TRAK1: variants seen among roughly 807,000 people sequenced by gnomAD.
The protein encoded by TRAK1 is trafficking kinesin-binding protein 1.
Under a neutral mutation model 92.1 loss-of-function variants are expected in TRAK1, and 33 were observed. The observed-to-expected ratio is 0.36, with a 90% CI of 0.27 to 0.48. The LOEUF (loss-of-function observed/expected upper bound fraction) is 0.48, where lower values mean the gene tolerates loss of function less well. Ranked by LOEUF, TRAK1 falls within the 20% of genes least tolerant of loss-of-function variation. TRAK1 has a pLI of 0.99. For synonymous variants in TRAK1, 521 were observed against 517.3 expected, an observed-to-expected ratio of 1.01 and a Z score of -0.10; for missense variants, 1,123 against 1,257.9, an observed-to-expected ratio of 0.89 and a Z score of 1.62.
At chr3:42,201,779 G>A (rs535501741) in intron 12 of TRAK1, among the ~76,000 whole-genome samples, 1 of 152,002 alleles carries the variant, frequency 6.6e-6, no homozygotes, top group African/African-American at 2.4e-5. Flanking sequence ...GGGGTGCAGG[G>A]GGGCCAAGGT....
intron 2 of TRAK1, among the ~76,000 whole-genome samples, chr3:42,141,864 G>A (rs369298158): frequency 2.0e-5 from 3 of 152,144 alleles, no homozygotes; most frequent in East Asian, 3.9e-4. Context: ...GGCCGGGCAC[G>A]GTGGCTCATG....
rs1210210872 is a variant in TRAK1, at chr3:42,092,769, T to TTA, written c.91+1211_91+1212dup. ...TTATGTTATGTTATGTTATGTTATG[T>TTA]TATTTCGTGACTCACTGTATTGCCC... On this transcript the variant is annotated intron_variant, in intron 1 of 15. Transcript: ENST00000327628. Among the ~76,000 whole-genome samples, 6 of 152,082 alleles carry TTA rather than the reference T, an allele frequency of 3.9e-5. No individual in the cohort carries two copies. The South Asian group carries it at 6.2e-4, about 16-fold the overall frequency.
At chr3:42,203,477 C>T (rs1707939774) in intron 13 of TRAK1, 1 of 978,018 alleles carries the variant, frequency 1.0e-6, no homozygotes, top group Non-Finnish European at 1.2e-6. Context: ...CCCTCTCTCC[C>T]TCTTGCCCTC....
chr3:42,166,105 C>G (rs372326523), intron 2 of TRAK1, among the ~76,000 whole-genome samples: 2 of 152,188 alleles, frequency 1.3e-5, no homozygotes, highest in East Asian at 3.9e-4. Flanking sequence ...ATGTGCCCTA[C>G]CTTCTCAACT....
intron 8 of TRAK1, 73 bp downstream of exon 8, chr3:42,193,278 A>G: frequency 6.3e-7 from 1 of 1,578,346 alleles, no homozygotes; most frequent in South Asian, 1.2e-5. Context: ...TTTACTCCAG[A>G]AGACAGTGCT....
intron 1 of TRAK1, among the ~76,000 whole-genome samples, chr3:42,064,805 C>T (rs1336621421): frequency 3.9e-5 from 6 of 152,058 alleles, no homozygotes; most frequent in Non-Finnish European, 8.8e-5. Context: ...GTAATCCCAG[C>T]ACTTTGGGAG....
chr3:42,022,740 A>ACAAC (rs1430616918), intron 1 of TRAK1, among the ~76,000 whole-genome samples: 2 of 150,716 alleles, frequency 1.3e-5, no homozygotes, highest in Non-Finnish European at 3.0e-5. Flanking sequence ...AAAAACAAAA[A>ACAAC]CAAAAAACTT....
intron 2 of TRAK1, among the ~76,000 whole-genome samples, chr3:42,133,515 C>T (rs11720471): frequency 0.077 from 11,774 of 152,216 alleles, 495 homozygotes; most frequent in Middle Eastern, 0.15. Context: ...ACTGCTGTGC[C>T]CAGCTTCTTT....
intron 2 of TRAK1, among the ~76,000 whole-genome samples, chr3:42,171,672 A>G (rs1470889044): frequency 6.6e-6 from 1 of 152,054 alleles, no homozygotes; most frequent in African/African-American, 2.4e-5. Context: ...AGAAACCCCA[A>G]TGCCACACCA....
chr3:42,166,006 C>T (rs1166097190), intron 2 of TRAK1, among the ~76,000 whole-genome samples: 1 of 152,072 alleles, frequency 6.6e-6, no homozygotes, highest in African/African-American at 2.4e-5. Context: ...TCTGCCATCC[C>T]CAGCTTTCTT....
intron 14 of TRAK1, chr3:42,211,289 T>C: frequency 1.0e-6 from 1 of 985,428 alleles, no homozygotes; most frequent in Non-Finnish European, 1.2e-6. Context: ...GATCAACTTT[T>C]CCTTTTTTCC....
chr3:42,034,133 C>T (rs1702243951), intron 1 of TRAK1, among the ~76,000 whole-genome samples: 1 of 152,216 alleles, frequency 6.6e-6, no homozygotes, highest in Admixed American at 6.5e-5. Flanking sequence ...TGGCTTTTCC[C>T]CTGCACCCCA....
chr3:42,121,587 T>G (rs951853858), intron 1 of TRAK1, among the ~76,000 whole-genome samples: 2 of 152,066 alleles, frequency 1.3e-5, no homozygotes, highest in African/African-American at 2.4e-5. Flanking sequence ...GACTCTTCTG[T>G]TACGTTTACC....
chr3:42,122,526 T>C (rs780302391), intron 1 of TRAK1, among the ~76,000 whole-genome samples: 5 of 152,120 alleles, frequency 3.3e-5, no homozygotes, highest in Non-Finnish European at 5.9e-5. Context: ...ACCAGATCCA[T>C]GTTTAGCCAA....
chr3:42,059,809 G>A (rs768880308), intron 1 of TRAK1, among the ~76,000 whole-genome samples: 43 of 152,184 alleles, frequency 2.8e-4, no homozygotes, highest in Admixed American at 6.5e-4. Flanking sequence ...CCGTTTGCTT[G>A]TGGTACTTCA....
At chr3:42,134,567 A>G (rs1299984427) in intron 2 of TRAK1, among the ~76,000 whole-genome samples, 1 of 130,918 alleles carries the variant, frequency 7.6e-6, no homozygotes, top group African/African-American at 2.9e-5. Context: ...GTTAGCCACC[A>G]TGCCTGGTCT....
At chr3:42,219,659 C>T in intron 15 of TRAK1, 63 bp downstream of exon 15, 2 of 1,584,802 alleles carry the variant, frequency 1.3e-6, no homozygotes, top group Non-Finnish European at 1.7e-6. Flanking sequence ...CCCTTCCCTG[C>T]AAGGCTTAAT....
In TRAK1 at chr3:42,223,223, C is replaced by T. The variant is rs143591096; in HGVS notation, c.2348C>T (p.Pro783Leu). The T allele has an allele frequency of 2.9e-5, 47 of 1,614,082 alleles. No individual in the cohort carries two copies. Among genetic ancestry groups the T allele is most frequent in the East Asian group, 4.5e-5 (2 of 44,896 alleles). Reference sequence around the variant, plus strand: ...ATGGCTGTGATCCCCTCTACTCCGCCGAACTCGCCTATGCAGACACCCACA... The same window carrying T: ...ATGGCTGTGATCCCCTCTACTCCGCTGAACTCGCCTATGCAGACACCCACA... The part of the protein sequence containing the change: ...PKMAVIPSTP[P>L]NSPMQTPTSS... Residue 783 changes from proline to leucine, a missense_variant, in exon 16 of 16, where the codon CCG (proline) becomes CTG (leucine). Physicochemically the swap from Pro to Leu is moderately conservative, Grantham distance 98. This residue lies in a region of TRAK1 where 401 missense variants were observed against 438.9 expected (regional missense o/e 0.91). Coordinates refer to ENST00000327628, the MANE Select transcript of TRAK1 (RefSeq NM_001042646.3). The surrounding 1 kb of genome is among the most constrained non-coding windows in gnomAD (Gnocchi z 6.1).
At chr3:42,115,185 A>C (rs2149094015) in intron 1 of TRAK1, among the ~76,000 whole-genome samples, 1 of 152,368 alleles carries the variant, frequency 6.6e-6, no homozygotes, top group Non-Finnish European at 1.5e-5. Flanking sequence ...CGTTTAAAAT[A>C]AATTTGTGTA....
Sources: gnomAD v4.1 joint callset for allele counts (sites outside exome capture counted in the v4.1 genomes callset) on GRCh38, gnomAD v4.1.1 for gene constraint, gnomAD v4.1.1 regional missense constraint, Gnocchi (gnomAD v3.1) non-coding constraint, MANE v1.5 for transcripts, NCBI Gene and HGNC (gene_info 2026-07-23, HGNC 2026-07-21) for gene names.